Variants in AXDND1 observed in about 807,000 individuals in gnomAD.
AXDND1 encodes axonemal dynein light chain domain-containing protein 1.
A neutral mutation model predicts 137.5 loss-of-function variants in AXDND1; 110 were observed. The observed-to-expected ratio is 0.80, with a 90% CI of 0.69 to 0.94. AXDND1 has a LOEUF of 0.94. Ranked by LOEUF, AXDND1 falls within the 40% of genes least tolerant of loss-of-function variation. The pLI is 0.00. For missense variants in AXDND1, 1,191 were observed against 1,169.8 expected (o/e 1.02, Z -0.26); for synonymous variants, 414 against 399.7 (o/e 1.04, Z -0.43).
At chr1:179,457,372 G>A (rs538342360) in intron 16 of AXDND1, 27 of 457,820 alleles carry the variant, frequency 5.9e-5, no homozygotes, top group South Asian at 5.5e-4. Context: ...ATGCTTCTTC[G>A]GCGGCGTCCA....
intron 16 of AXDND1, among the ~76,000 whole-genome samples, chr1:179,458,863 AT>A (rs935214370): frequency 7.9e-4 from 115 of 144,712 alleles, no homozygotes; most frequent in East Asian, 2.9e-3. Context: ...CAACATTTTT[AT>A]TTTTTTTTTG....
At chr1:179,404,334 G>A (rs1652594247) in intron 11 of AXDND1, among the ~76,000 whole-genome samples, 1 of 151,100 alleles carries the variant, frequency 6.6e-6, no homozygotes, top group Non-Finnish European at 1.5e-5. Context: ...CAGTTCTCCT[G>A]CCTCAGCCTC....
chr1:179,431,787 A>G (rs1371124460), intron 14 of AXDND1, among the ~76,000 whole-genome samples: 2 of 152,166 alleles, frequency 1.3e-5, no homozygotes, highest in Admixed American at 6.5e-5. Context: ...ACGGGTGGCC[A>G]TAGTTCTTGT....
intron 13 of AXDND1, among the ~76,000 whole-genome samples, chr1:179,429,952 A>G (rs1657132391): frequency 2.0e-5 from 3 of 148,754 alleles, no homozygotes; most frequent in Admixed American, 6.9e-5. Flanking sequence ...TTCAGTGAGC[A>G]CACTAGATAG....
chr1:179,382,420 G>A (rs1322868127), intron 6 of AXDND1, among the ~76,000 whole-genome samples: 1 of 152,122 alleles, frequency 6.6e-6, no homozygotes, highest in African/African-American at 2.4e-5. Flanking sequence ...TTTGGCCAAT[G>A]GCCAAAGGCT....
intron 25 of AXDND1, chr1:179,546,019 A>T (rs1207703478): frequency 2.6e-5 from 4 of 152,208 alleles, no homozygotes; most frequent in Non-Finnish European, 1.5e-5. Context: ...GATCAGGCAC[A>T]ATAGTTCCTC....
At position 179,370,028 on chromosome 1, in the gene AXDND1, T is replaced by C. The variant is rs1667884120; in HGVS notation, c.324T>C (p.Asn108=). Residue 108 remains asparagine, a synonymous_variant, in exon 4 of 26, where the codon AAT becomes AAC. Transcript: ENST00000367618. ...DHVWHHPVRR[N]KFKYLIDHPV... ...TCTGGCATCACCCTGTTCGAAGGAATAAATTCAAATACCTGATTGACCATC... is the reference window on the plus strand; with the variant it reads ...TCTGGCATCACCCTGTTCGAAGGAACAAATTCAAATACCTGATTGACCATC... 3 of 1,614,088 alleles carry C rather than the reference T, an allele frequency of 1.9e-6. No homozygotes were observed. The highest frequency in any genetic ancestry group is 2.5e-6 in the Non-Finnish European group (3 of 1,179,986).
chr1:179,541,572 C>T lies in AXDND1; in HGVS notation c.3031+6610C>T, dbSNP rs942943037. On this transcript the variant is annotated intron_variant, in intron 25 of 25. Coordinates refer to ENST00000367618, the MANE Select transcript of AXDND1 (RefSeq NM_144696.6). Reference sequence around the variant, plus strand: ...GGTAATACTTGTGAGTAGACAAACACATACAACCATTTTAGAAAATAATTT... The same window carrying T: ...GGTAATACTTGTGAGTAGACAAACATATACAACCATTTTAGAAAATAATTT... 2.6e-5 allele frequency among the ~76,000 whole-genome samples: 4 copies of T among 151,472 alleles called. No individual in the cohort carries two copies. The East Asian group carries it at 7.7e-4, about 29-fold the overall frequency.
chr1:179,488,025 C>T lies in AXDND1; in HGVS notation c.2092-3513C>T, dbSNP rs768098708. 3.6e-4 allele frequency among the ~76,000 whole-genome samples: 43 copies of T among 120,044 alleles called. 2 individuals carry two copies. The highest frequency in any genetic ancestry group is 7.0e-4 in the Non-Finnish European group (41 of 58,804). 78.8% of individuals were successfully genotyped at this position (120,044 alleles called of 152,430 possible). A position where few individuals can be genotyped will look rare whatever the true frequency, so the allele number is the denominator to read the frequency against. On this transcript the variant is annotated intron_variant, in intron 18 of 25. Transcript: ENST00000367618. ...AAAAAAAAAAAAAAAAGAGAAATTT[C>T]AATTCCGTCAATCAGTTATGCAAAG...
chr1:179,531,567 C>G (rs912192483), intron 23 of AXDND1, among the ~76,000 whole-genome samples: 1 of 152,084 alleles, frequency 6.6e-6, no homozygotes, highest in Non-Finnish European at 1.5e-5. Flanking sequence ...GGTGCTCAAA[C>G]AGAAGGGGCC....
intron 12 of AXDND1, among the ~76,000 whole-genome samples, chr1:179,423,480 C>T (rs1352817871): frequency 6.6e-6 from 1 of 151,984 alleles, no homozygotes; most frequent in African/African-American, 2.4e-5. Context: ...CATTTTGTTG[C>T]TTTTTATCTT....
chr1:179,390,754 T>C (rs1344668478), intron 9 of AXDND1, among the ~76,000 whole-genome samples: 1 of 152,008 alleles, frequency 6.6e-6, no homozygotes, highest in East Asian at 1.9e-4. Context: ...AGATTCCTTT[T>C]TTTTTCTTTT....
At chr1:179,388,416 T>A (rs1441911927) in intron 9 of AXDND1, among the ~76,000 whole-genome samples, 1 of 152,198 alleles carries the variant, frequency 6.6e-6, no homozygotes, top group Non-Finnish European at 1.5e-5. Flanking sequence ...TGATTAGATA[T>A]ATGTTAGATA....
intron 16 of AXDND1, among the ~76,000 whole-genome samples, chr1:179,464,291 C>T (rs12139315): frequency 0.17 from 25,530 of 152,092 alleles, 2,492 homozygotes; most frequent in East Asian, 0.35. Context: ...CCTTCAGGAG[C>T]TCTTGTAAGG....
At chr1:179,482,335 C>T (rs1300479408) in intron 17 of AXDND1, among the ~76,000 whole-genome samples, 1 of 152,022 alleles carries the variant, frequency 6.6e-6, no homozygotes, top group African/African-American at 2.4e-5. Context: ...CCATGATTCT[C>T]AGCATGCTAT....
chr1:179,461,905 G>T (rs1466034806), intron 16 of AXDND1, among the ~76,000 whole-genome samples: 1 of 152,180 alleles, frequency 6.6e-6, no homozygotes, highest in African/African-American at 2.4e-5. Flanking sequence ...TGTATCCTGA[G>T]ACTTTGCTGA....
intron 17 of AXDND1, among the ~76,000 whole-genome samples, chr1:179,470,869 A>G (rs564125919): frequency 2.0e-5 from 3 of 152,120 alleles, no homozygotes; most frequent in African/African-American, 4.8e-5. Context: ...ATTAAGTATA[A>G]TGTTATTTGT....
At chr1:179,428,106 G>C (rs1656843173) in intron 12 of AXDND1, among the ~76,000 whole-genome samples, 1 of 152,190 alleles carries the variant, frequency 6.6e-6, no homozygotes, top group Non-Finnish European at 1.5e-5. Flanking sequence ...CTCTGAAATG[G>C]TCAGACCTCA....
intron 17 of AXDND1, among the ~76,000 whole-genome samples, chr1:179,482,882 A>G (rs1665590906): frequency 6.6e-6 from 1 of 151,246 alleles, no homozygotes; most frequent in Non-Finnish European, 1.5e-5. Context: ...GCTAATATTG[A>G]ACGTAAGATC....
Sources: allele counts gnomAD v4.1 joint callset (sites outside exome capture counted in the v4.1 genomes callset), GRCh38; gene constraint gnomAD v4.1.1; transcripts MANE v1.5; gene names NCBI Gene and HGNC (gene_info 2026-07-23, HGNC 2026-07-21).